Variants in NCKAP5 observed in about 807,000 individuals in gnomAD.
NCKAP5 encodes nck-associated protein 5.
NCKAP5 carries 92 observed loss-of-function variants against 167.0 expected under a neutral mutation model. The ratio of observed to expected loss-of-function variants is 0.55; its 90% CI spans 0.47 to 0.66. The LOEUF (loss-of-function observed/expected upper bound fraction) is 0.66, where lower values mean the gene tolerates loss of function less well. Ranked by LOEUF, NCKAP5 falls within the 30% of genes least tolerant of loss-of-function variation. The pLI, the probability that NCKAP5 is intolerant of heterozygous loss-of-function variation, is 0.00. For synonymous variants in NCKAP5, 891 were observed against 877.4 expected, an observed-to-expected ratio of 1.02 and a Z score of -0.27; for missense variants, 2,378 against 2,315.0, an observed-to-expected ratio of 1.03 and a Z score of -0.56.
intron 6 of NCKAP5, among the ~76,000 whole-genome samples, chr2:133,051,275 G>A (rs140070272): frequency 2.6e-4 from 40 of 152,180 alleles, no homozygotes; most frequent in African/African-American, 9.6e-4. Flanking sequence ...CAGCCCTAAC[G>A]ACCTTACTTT....
intron 8 of NCKAP5, among the ~76,000 whole-genome samples, chr2:132,898,615 C>T (rs552584974): frequency 6.6e-6 from 1 of 152,182 alleles, no homozygotes; most frequent in Non-Finnish European, 1.5e-5. Context: ...GATCCATGAG[C>T]TGCAGAATGA....
intron 19 of NCKAP5, among the ~76,000 whole-genome samples, chr2:132,712,462 T>C (rs184798354): frequency 3.6e-4 from 55 of 152,190 alleles, no homozygotes; most frequent in South Asian, 1.2e-3. Context: ...CCATCCTGGC[T>C]AACACAGTGA....
At chr2:133,223,374 G>T (rs11884462) in intron 4 of NCKAP5, among the ~76,000 whole-genome samples, 50,015 of 151,904 alleles carry the variant, frequency 0.33, 9,157 homozygotes, top group Non-Finnish European at 0.41. Context: ...AGGAGGCCAA[G>T]ACCCATTCTC....
At chr2:133,451,145 G>A (rs899910196) in intron 3 of NCKAP5, among the ~76,000 whole-genome samples, 1 of 152,126 alleles carries the variant, frequency 6.6e-6, no homozygotes. Flanking sequence ...CAGACTCAAA[G>A]AGAAGATGGC....
At chr2:133,217,163 T>C (rs150789390) in intron 4 of NCKAP5, among the ~76,000 whole-genome samples, 25 of 152,238 alleles carry the variant, frequency 1.6e-4, no homozygotes, top group African/African-American at 5.5e-4. Context: ...CGTTTTTAAG[T>C]ACATACTGCA....
chr2:133,623,626 C>T, the NCKAP5 span, among the ~76,000 whole-genome samples: 3 of 149,200 alleles, frequency 2.0e-5, no homozygotes, highest in East Asian at 5.8e-4. Context: ...GCAAGAATGA[C>T]CACAATAAAA....
chr2:132,996,488 C>A (rs947140290), intron 6 of NCKAP5, among the ~76,000 whole-genome samples: 1 of 152,072 alleles, frequency 6.6e-6, no homozygotes, highest in South Asian at 2.1e-4. Context: ...ATATTTCAAC[C>A]CTCTTTTCAA....
intron 3 of NCKAP5, among the ~76,000 whole-genome samples, chr2:133,360,919 T>C (rs916637638): frequency 1.3e-5 from 2 of 150,198 alleles, no homozygotes; most frequent in South Asian, 2.1e-4. Context: ...AACCAATACA[T>C]GGTTTGAAAG....
At chr2:133,455,836 G>A (rs1007518231) in intron 3 of NCKAP5, among the ~76,000 whole-genome samples, 2 of 152,050 alleles carry the variant, frequency 1.3e-5, no homozygotes, top group Non-Finnish European at 2.9e-5. Flanking sequence ...GTGACATTAA[G>A]ACTTCACAAG....
At chr2:133,472,551 C>G (rs1679437425) in intron 3 of NCKAP5, among the ~76,000 whole-genome samples, 1 of 152,064 alleles carries the variant, frequency 6.6e-6, no homozygotes, top group Non-Finnish European at 1.5e-5. Context: ...ATGCACAAGC[C>G]TCCTTCCACA....
chr2:133,193,993 G>A (rs1262935157), intron 5 of NCKAP5, among the ~76,000 whole-genome samples: 1 of 152,084 alleles, frequency 6.6e-6, no homozygotes, highest in Non-Finnish European at 1.5e-5. Context: ...TGACTTTACT[G>A]CTTTTAAATT....
intron 3 of NCKAP5, among the ~76,000 whole-genome samples, chr2:133,404,523 C>G (rs1027416060): frequency 5.3e-5 from 8 of 152,138 alleles, no homozygotes; most frequent in African/African-American, 1.9e-4. Flanking sequence ...AATCTATGCA[C>G]TATAATAAAA....
chr2:133,402,158 G>A (rs1017237860), intron 3 of NCKAP5, among the ~76,000 whole-genome samples: 1 of 152,146 alleles, frequency 6.6e-6, no homozygotes, highest in Non-Finnish European at 1.5e-5. Context: ...GAAACTGAAA[G>A]TGCTTAAAAT....
chr2:132,905,822 T>C (rs1693967359), intron 8 of NCKAP5, among the ~76,000 whole-genome samples: 1 of 152,192 alleles, frequency 6.6e-6, no homozygotes, highest in Admixed American at 6.5e-5. Flanking sequence ...TCTAATGCTC[T>C]TCCAATTGAT....
rs183277175 is a variant in NCKAP5 at position 133,129,989 on chromosome 2, C to T, written c.330G>A (p.Gln110=). Residue 110 remains glutamine, a synonymous_variant, in exon 6 of 20, where the codon CAG becomes CAA. Transcript: ENST00000409261. ...GCTAAGAACAATACCTGGAGAACTG[C>T]TGCTGCAAGCTACGCATCTGAATTC... The part of the protein sequence containing the change: ...RNRIQMRSLQ[Q]QFSRMEETVR... 6 of 1,606,408 alleles carry T rather than the reference C, an allele frequency of 3.7e-6. No individual in the cohort carries two copies. In the East Asian group the frequency reaches 1.1e-4, roughly 30 times the overall value.
At chr2:133,671,508 T>C in the NCKAP5 span, among the ~76,000 whole-genome samples, 3 of 151,982 alleles carry the variant, frequency 2.0e-5, no homozygotes. Flanking sequence ...ATCATGAAAG[T>C]AGGACTGGTG....
intron 8 of NCKAP5, among the ~76,000 whole-genome samples, chr2:132,945,615 G>A (rs755101969): frequency 1.3e-5 from 2 of 151,930 alleles, no homozygotes; most frequent in South Asian, 2.1e-4. Flanking sequence ...TTACAAACTG[G>A]GGGAAAAATT....
chr2:132,930,094 A>C (rs1440009700), intron 8 of NCKAP5: 1 of 152,178 alleles, frequency 6.6e-6, no homozygotes, highest in East Asian at 1.9e-4. Flanking sequence ...CAATTGTATA[A>C]GCCAGGTCCC....
In NCKAP5 at chr2:133,474,112, A is replaced by ATATCTATCTATCTATCTATC. The variant is rs10668136; in HGVS notation, c.69+43326_69+43345dup. On this transcript the variant is annotated intron_variant, in intron 3 of 19. Transcript: ENST00000409261. The stretch of plus-strand genomic sequence containing the variant: ...CAGATGAATGGATAAAGAAAATGTG[A>ATATCTATCTATCTATCTATC]TATCTATCTATCTATCTATCTATCT... Among the ~76,000 whole-genome samples the ATATCTATCTATCTATCTATC allele has an allele frequency of 4.3e-4, 60 of 137,954 alleles. 1 individual carries two copies. The highest frequency in any genetic ancestry group is 8.4e-4 in the East Asian group (4 of 4,748). 90.5% of individuals were successfully genotyped at this position (137,954 alleles called of 152,430 possible). A position where few individuals can be genotyped will look rare whatever the true frequency, so the allele number is the denominator to read the frequency against.
Sources: gnomAD v4.1 joint callset for allele counts (sites outside exome capture counted in the v4.1 genomes callset) on GRCh38, gnomAD v4.1.1 for gene constraint, MANE v1.5 for transcripts, NCBI Gene and HGNC (gene_info 2026-07-23, HGNC 2026-07-21) for gene names.